FLI1: variants seen among roughly 807,000 people sequenced by gnomAD.
The protein encoded by FLI1 is Fli-1 proto-oncogene, ETS transcription factor.
Under a neutral mutation model 53.1 loss-of-function variants are expected in FLI1, and 13 were observed. The observed-to-expected ratio is 0.24, with a 90% confidence interval of 0.16 to 0.39. The LOEUF (loss-of-function observed/expected upper bound fraction) is 0.39. Ranked by LOEUF, FLI1 falls within the 10% of genes least tolerant of loss-of-function variation. FLI1 has a pLI of 1.00. For synonymous variants in FLI1, 244 were observed against 236.7 expected (o/e 1.03, Z -0.28); for missense variants, 424 against 600.5 (o/e 0.71, Z 3.07).
chr11:128,764,564 A>G (rs1480166757), intron 2 of FLI1: 1 of 1,247,474 alleles, frequency 8.0e-7, no homozygotes, highest in African/African-American at 1.5e-5. Context: ...GTCTTAATAC[A>G]AATTAGCAGC....
At chr11:128,765,499 G>A (rs1941302025) in intron 2 of FLI1, among the ~76,000 whole-genome samples, 1 of 152,184 alleles carries the variant, frequency 6.6e-6, no homozygotes, top group Non-Finnish European at 1.5e-5. Flanking sequence ...GAGGAGCCCG[G>A]GGAGTGTGCC....
At chr11:128,806,556 A>G (rs1364122235) in intron 6 of FLI1, 4 of 152,384 alleles carry the variant, frequency 2.6e-5, no homozygotes, top group African/African-American at 9.6e-5. Context: ...GGCAATGAAG[A>G]GTCACTAAGG....
chr11:128,776,959 T>G (rs1191270632), intron 4 of FLI1, among the ~76,000 whole-genome samples: 3 of 151,988 alleles, frequency 2.0e-5, no homozygotes, highest in African/African-American at 4.8e-5. Flanking sequence ...TACCAAGAGA[T>G]AAATGCTTTC....
chr11:128,703,312 C>G (rs1361922091), intron 1 of FLI1, among the ~76,000 whole-genome samples: 1 of 152,072 alleles, frequency 6.6e-6, no homozygotes, highest in East Asian at 1.9e-4. Context: ...TTGATAATGC[C>G]AATTCTACAG....
At chr11:128,775,647 A>G (rs1257421711) in intron 4 of FLI1, among the ~76,000 whole-genome samples, 3 of 152,174 alleles carry the variant, frequency 2.0e-5, no homozygotes, top group South Asian at 2.1e-4. Context: ...AAAGCCTTCA[A>G]ACACTTTATT....
intron 1 of FLI1, among the ~76,000 whole-genome samples, chr11:128,744,225 A>G (rs1480646898): frequency 1.3e-5 from 2 of 152,230 alleles, no homozygotes; most frequent in South Asian, 2.1e-4. Context: ...TTTGAGCGGG[A>G]TAAGCATTTC....
chr11:128,766,810 G>A (rs569947244), intron 2 of FLI1, among the ~76,000 whole-genome samples: 6 of 152,138 alleles, frequency 3.9e-5, no homozygotes, highest in Admixed American at 3.9e-4. Flanking sequence ...AGGTTATGCG[G>A]CCTAGAGTTG....
chr11:128,788,922 CAG>C (rs963735763), intron 5 of FLI1, among the ~76,000 whole-genome samples: 10 of 152,258 alleles, frequency 6.6e-5, no homozygotes, highest in South Asian at 6.2e-4. Context: ...TCTAGTCAAA[CAG>C]AGAGACAGAC....
At position 128,782,032 on chromosome 11, in the gene FLI1, G is replaced by T. The variant is rs758946051; in HGVS notation, c.655+9G>T. The stretch of plus-strand genomic sequence containing the variant: ...ATTGAGTGTCAAAGAAGGTAAGTTT[G>T]TTCTTTTGTGCACTTAAAATTTTCT... On this transcript the variant is annotated intron_variant, in intron 5 of 8. Transcript: ENST00000527786. 1.3e-5 allele frequency: 21 copies of T among 1,611,096 alleles called. No homozygotes were observed. In the Admixed American group the frequency reaches 1.7e-4, roughly 13 times the overall value.
rs778237229 is a variant in FLI1, at chr11:128,758,127, G to C, written c.31G>C (p.Val11Leu). The change falls in exon 2 of 9, where the codon GTG (valine) becomes CTG (leucine). Residue 11 changes from valine (V) to leucine (L), a missense_variant. Val to Leu is a conservative substitution (Grantham distance 32). Coordinates refer to ENST00000527786, the MANE Select transcript of FLI1 (RefSeq NM_002017.5). ...TCTGGCCCTGCAGGAGGCTCTGTCG[G>C]TGGTGAGCGACGACCAGTCCCTCTT... MDGTIKEALSVVSDDQSLFDS... is the reference protein window; with the variant it reads MDGTIKEALSLVSDDQSLFDS... 1.2e-6 allele frequency: 2 copies of C among 1,612,448 alleles called. No homozygotes were observed. Among genetic ancestry groups the C allele is most frequent in the South Asian group, 2.2e-5 (2 of 90,680 alleles).
At chr11:128,686,552 A>G (rs1865806892) in exon 1 of FLI1, 1 of 444,790 alleles carries the variant, frequency 2.2e-6, no homozygotes, top group Non-Finnish European at 4.6e-6. Flanking sequence ...CTCCATCTGC[A>G]TCCCCACTTC....
At chr11:128,739,173 T>C (rs1591768088) in intron 1 of FLI1, among the ~76,000 whole-genome samples, 1 of 152,200 alleles carries the variant, frequency 6.6e-6, no homozygotes, top group Admixed American at 6.5e-5. Flanking sequence ...AGGCAGGCAC[T>C]CCTCCCCGGG....
At chr11:128,756,011 A>T (rs919030253) in intron 1 of FLI1, among the ~76,000 whole-genome samples, 3 of 152,202 alleles carry the variant, frequency 2.0e-5, no homozygotes, top group Admixed American at 6.5e-5. Flanking sequence ...GCAGGTTGTA[A>T]TTCTACAGGC....
At position 128,749,173 on chromosome 11, in the gene FLI1, C is replaced by T. The variant is rs749130686; in HGVS notation, c.19-8942C>T. Among the ~76,000 whole-genome samples the T allele has an allele frequency of 5.9e-5, 9 of 152,308 alleles. No individual in the cohort carries two copies. The East Asian group carries it at 7.7e-4, about 13-fold the overall frequency. On this transcript the variant is annotated intron_variant, in intron 1 of 8. Transcript: ENST00000527786. ...GGTGCTGATTCCTGCCAGCCAGTGT[C>T]AATAACCACAGTGAAAGGATACTCA... is the stretch of plus-strand genomic sequence containing the variant.
intron 1 of FLI1, among the ~76,000 whole-genome samples, chr11:128,717,381 T>C (rs1268767316): frequency 6.6e-6 from 1 of 152,192 alleles, no homozygotes; most frequent in Non-Finnish European, 1.5e-5. Context: ...ACTTGCTACC[T>C]GTAAGAAATT....
chr11:128,723,476 T>C (rs1939340677), intron 1 of FLI1, among the ~76,000 whole-genome samples: 1 of 151,936 alleles, frequency 6.6e-6, no homozygotes, highest in African/African-American at 2.4e-5. Context: ...CTTAGGAAAT[T>C]TGTGCACAAG....
At position 128,710,659 on chromosome 11, in the gene FLI1, C is replaced by A. The variant is rs183497814; in HGVS notation, c.18+16383C>A. Among the ~76,000 whole-genome samples, 3 of 152,278 alleles carry A rather than the reference C, an allele frequency of 2.0e-5. No homozygotes were observed. In the East Asian group the frequency reaches 5.8e-4, roughly 29 times the overall value. ...TCTGACACAATGAAAGCAAATGCAG[C>A]CTTGCAGAAAATTTATTTGTCTATC... On this transcript the variant is annotated intron_variant, in intron 1 of 8. Transcript: ENST00000527786.
intron 1 of FLI1, among the ~76,000 whole-genome samples, chr11:128,702,389 T>C (rs1170290359): frequency 2.0e-5 from 3 of 152,256 alleles, no homozygotes; most frequent in Non-Finnish European, 4.4e-5. Flanking sequence ...TTGTGGCTTA[T>C]AATCATAAGG....
At chr11:128,777,026 C>A (rs1213183947) in intron 4 of FLI1, among the ~76,000 whole-genome samples, 1 of 152,222 alleles carries the variant, frequency 6.6e-6, no homozygotes, top group African/African-American at 2.4e-5. Flanking sequence ...CCTATCACCA[C>A]GCTAACTTTG....
Sources: gnomAD v4.1 joint callset for allele counts (sites outside exome capture counted in the v4.1 genomes callset) on GRCh38, gnomAD v4.1.1 for gene constraint, MANE v1.5 for transcripts, NCBI Gene and HGNC (gene_info 2026-07-23, HGNC 2026-07-21) for gene names.